Variants in TAF3 observed in about 807,000 individuals in gnomAD.
The protein encoded by TAF3 is transcription initiation factor TFIID subunit 3.
TAF3 carries 7 observed loss-of-function variants against 80.6 expected under a neutral mutation model. The ratio of observed to expected loss-of-function variants is 0.09; its 90% CI spans 0.05 to 0.16. TAF3 has a LOEUF of 0.16. TAF3 is among the 10% of genes least tolerant of loss of function. The pLI is 1.00. For missense variants in TAF3, 921 were observed against 1,140.2 expected, an observed-to-expected ratio of 0.81 and a Z score of 2.77; for synonymous variants, 444 against 446.1, an observed-to-expected ratio of 1.00 and a Z score of 0.06.
At chr10:8,014,368 G>C (rs955096533) in intron 6 of TAF3, among the ~76,000 whole-genome samples, 4 of 152,204 alleles carry the variant, frequency 2.6e-5, no homozygotes, top group African/African-American at 9.7e-5. Context: ...ATATCTGTGA[G>C]ATAAAGACAA....
At chr10:7,987,519 A>T (rs1831790280) in intron 4 of TAF3, among the ~76,000 whole-genome samples, 2 of 152,194 alleles carry the variant, frequency 1.3e-5, no homozygotes, top group Admixed American at 6.5e-5. Context: ...AAATAAAGAA[A>T]CAACATCCTC....
intron 2 of TAF3, among the ~76,000 whole-genome samples, chr10:7,954,818 A>C (rs1260258515): frequency 2.1e-5 from 3 of 140,920 alleles, no homozygotes; most frequent in Non-Finnish European, 4.7e-5. Flanking sequence ...AATTAGTTCT[A>C]GTTAACACAG....
intron 4 of TAF3, among the ~76,000 whole-genome samples, chr10:8,007,239 A>G (rs1347732022): frequency 6.6e-6 from 1 of 152,190 alleles, no homozygotes; most frequent in Non-Finnish European, 1.5e-5. Context: ...ATGTGTCAGC[A>G]TGGATAAATC....
chr10:7,849,915 G>A (rs555709767), intron 2 of TAF3, among the ~76,000 whole-genome samples: 25 of 152,092 alleles, frequency 1.6e-4, no homozygotes, highest in Non-Finnish European at 2.2e-4. Context: ...TCCTGAGCTC[G>A]GGCAGTCTAC....
At chr10:7,971,740 G>T (rs1167120301) in intron 3 of TAF3, among the ~76,000 whole-genome samples, 2 of 152,030 alleles carry the variant, frequency 1.3e-5, no homozygotes, top group East Asian at 3.8e-4. Flanking sequence ...TTGCAAGGCC[G>T]CACTGCTGGT....
At chr10:7,981,267 A>G (rs568426449) in intron 4 of TAF3, among the ~76,000 whole-genome samples, 1 of 152,226 alleles carries the variant, frequency 6.6e-6, no homozygotes, top group African/African-American at 2.4e-5. Flanking sequence ...TCCCTCTTCC[A>G]TCTATTCACC....
At chr10:7,899,294 C>T (rs1478223612) in intron 2 of TAF3, among the ~76,000 whole-genome samples, 1 of 152,004 alleles carries the variant, frequency 6.6e-6, no homozygotes, top group African/African-American at 2.4e-5. Context: ...GTCTTCTGCC[C>T]AAGGGAAGAA....
chr10:7,979,749 ACTAAAT>A (rs1014806478), intron 4 of TAF3, among the ~76,000 whole-genome samples: 5 of 151,662 alleles, frequency 3.3e-5, no homozygotes, highest in South Asian at 4.2e-4. Context: ...AAGAAAGAGG[ACTAAAT>A]CTAATAGTAA....
intron 2 of TAF3, among the ~76,000 whole-genome samples, chr10:7,860,119 A>G (rs1837129247): frequency 6.6e-6 from 1 of 151,970 alleles, no homozygotes; most frequent in Non-Finnish European, 1.5e-5. Context: ...AAAAAATACA[A>G]AAATTAGCTG....
intron 2 of TAF3, among the ~76,000 whole-genome samples, chr10:7,947,470 G>T (rs942570651): frequency 3.9e-5 from 6 of 152,226 alleles, no homozygotes; most frequent in Non-Finnish European, 8.8e-5. Flanking sequence ...AGGTAAGGGA[G>T]TGCAGTGGCA....
chr10:7,923,590 C>G (rs466858), intron 2 of TAF3, among the ~76,000 whole-genome samples: 3 of 149,280 alleles, frequency 2.0e-5, no homozygotes, highest in Non-Finnish European at 4.5e-5. Context: ...AGCAAAAAAA[C>G]AAAACAAAAC....
intron 2 of TAF3, among the ~76,000 whole-genome samples, chr10:7,858,923 G>A (rs1837113541): frequency 6.6e-6 from 1 of 152,102 alleles, no homozygotes; most frequent in Non-Finnish European, 1.5e-5. Context: ...GGCCTCTTCA[G>A]CGTCTTCTGG....
intron 3 of TAF3, among the ~76,000 whole-genome samples, chr10:7,974,145 C>CACACACAA: frequency 6.6e-6 from 1 of 150,978 alleles, no homozygotes; most frequent in South Asian, 2.1e-4. Flanking sequence ...CACACACACA[C>CACACACAA]ACACACACAC....
At chr10:7,985,773 T>G (rs1831770169) in intron 4 of TAF3, among the ~76,000 whole-genome samples, 2 of 143,750 alleles carry the variant, frequency 1.4e-5, no homozygotes, top group Admixed American at 7.2e-5. Flanking sequence ...TCTCTCATTC[T>G]CTCTCTCTTT....
rs566472720 is a variant in TAF3 at position 7,849,881 on chromosome 10, A to G, written c.409+25321A>G. Among the ~76,000 whole-genome samples the G allele has an allele frequency of 4.9e-4, 75 of 152,178 alleles. 3 individuals are homozygous for G. In the South Asian group the frequency reaches 0.013, roughly 27 times the overall value. ...TTTTTGTAGATACCAGGTTTTCACC[A>G]TGTTGCCCAGGCTGGTCTTGAAATC... On this transcript the variant is annotated intron_variant, in intron 2 of 6. Transcript: ENST00000344293.
chr10:7,879,451 C>T (rs1404960606), intron 2 of TAF3, among the ~76,000 whole-genome samples: 1 of 152,036 alleles, frequency 6.6e-6, no homozygotes, highest in Non-Finnish European at 1.5e-5. Flanking sequence ...ATAATGACAC[C>T]CACCCTCATC....
In TAF3 at chr10:8,009,331, G is replaced by T; in HGVS notation, c.2568+1G>T. On this transcript the variant is annotated splice_donor_variant, in intron 5 of 6. Coordinates refer to ENST00000344293, the MANE Select transcript of TAF3 (RefSeq NM_031923.4). LOFTEE classifies it high-confidence loss of function. The surrounding 1 kb of genome is among the most constrained non-coding windows in gnomAD (Gnocchi z 4.1). ...GACTGAGACGGTCAGCACCTACGTG[G>T]TGCGTACCTGCCGCCCGCGCGGTTA... is the stretch of plus-strand genomic sequence containing the variant. The T allele has an allele frequency of 6.3e-7, 1 of 1,591,572 alleles. No individual in the cohort carries two copies. Among genetic ancestry groups the T allele is most frequent in the Non-Finnish European group, 8.6e-7 (1 of 1,169,570 alleles).
At chr10:7,849,487 T>G (rs1244483) in intron 2 of TAF3, among the ~76,000 whole-genome samples, 145,266 of 152,252 alleles carry the variant, frequency 0.95, 69,685 homozygotes, top group East Asian at 1. Context: ...AATTTATGTT[T>G]CATAAGCATT....
chr10:7,985,267 G>T (rs891631034), intron 4 of TAF3, among the ~76,000 whole-genome samples: 7 of 152,112 alleles, frequency 4.6e-5, no homozygotes, highest in African/African-American at 1.7e-4. Context: ...ACGGCTTGTC[G>T]TCCAGGCTCT....
Sources: allele counts gnomAD v4.1 joint callset (sites outside exome capture counted in the v4.1 genomes callset), GRCh38; gene constraint gnomAD v4.1.1; non-coding constraint Gnocchi (gnomAD v3.1); transcripts MANE v1.5; gene names NCBI Gene and HGNC (gene_info 2026-07-23, HGNC 2026-07-21).